Variants in PRKN observed in about 807,000 individuals in gnomAD.
PRKN encodes E3 ubiquitin-protein ligase parkin.
In PRKN, 56 loss-of-function variants were observed where a neutral mutation model predicts 59.5. The ratio of observed to expected loss-of-function variants is 0.94; its 90% CI spans 0.76 to 1.18. PRKN has a LOEUF of 1.18. Ranked by LOEUF, PRKN falls within the 50% of genes most tolerant of loss-of-function variation. PRKN has a pLI of 0.00. For synonymous variants in PRKN, 250 were observed against 222.1 expected (o/e 1.13, Z -1.12); for missense variants, 657 against 596.4 (o/e 1.10, Z -1.06).
intron 2 of PRKN, among the ~76,000 whole-genome samples, chr6:162,434,845 C>G (rs1789696988): frequency 6.6e-6 from 1 of 152,128 alleles, no homozygotes; most frequent in African/African-American, 2.4e-5. Flanking sequence ...CATATACAAT[C>G]TTATTGTTCC....
At chr6:161,421,012 T>C (rs1026853010) in intron 9 of PRKN, among the ~76,000 whole-genome samples, 15 of 152,206 alleles carry the variant, frequency 9.9e-5, no homozygotes, top group African/African-American at 2.4e-4. Context: ...ATGTGAACCA[T>C]TGGAGACAGG....
intron 6 of PRKN, among the ~76,000 whole-genome samples, chr6:161,859,610 C>CAAAAAAAA (rs57747027): frequency 3.3e-5 from 3 of 90,334 alleles, no homozygotes; most frequent in Middle Eastern, 6.0e-3. Flanking sequence ...GACTCTCTCT[C>CAAAAAAAA]AAAAAAAAAA....
chr6:161,512,106 C>A (rs761295552), intron 9 of PRKN, among the ~76,000 whole-genome samples: 3 of 152,140 alleles, frequency 2.0e-5, no homozygotes, highest in African/African-American at 4.8e-5. Context: ...ACAAGTGTAC[C>A]TAATCTATTC....
At chr6:162,054,497 T>C (rs1210152496) in intron 4 of PRKN, among the ~76,000 whole-genome samples, 4 of 152,212 alleles carry the variant, frequency 2.6e-5, no homozygotes, top group Non-Finnish European at 5.9e-5. Flanking sequence ...CACTTCTGTG[T>C]CTGCCCTTTC....
At chr6:161,680,775 A>ATATATATATATATTTT (rs1216235673) in intron 7 of PRKN, among the ~76,000 whole-genome samples, 1 of 30,628 alleles carries the variant, frequency 3.3e-5, no homozygotes, top group Non-Finnish European at 6.1e-5. Flanking sequence ...ATATATATAT[A>ATATATATATATATTTT]TTTTTTTTTT....
intron 9 of PRKN, among the ~76,000 whole-genome samples, chr6:161,523,987 C>A (rs1196132633): frequency 1.3e-5 from 2 of 152,150 alleles, no homozygotes; most frequent in South Asian, 2.1e-4. Context: ...AAAAAATGAA[C>A]ACAATTCAAT....
chr6:162,328,629 C>T (rs776087688), intron 2 of PRKN, among the ~76,000 whole-genome samples: 1 of 152,128 alleles, frequency 6.6e-6, no homozygotes, highest in Non-Finnish European at 1.5e-5. Context: ...GCAGGACAAA[C>T]GAATAAAGGA....
intron 9 of PRKN, among the ~76,000 whole-genome samples, chr6:161,513,240 T>C (rs1035763942): frequency 7.2e-5 from 11 of 152,162 alleles, no homozygotes; most frequent in Non-Finnish European, 1.2e-4. Context: ...GTTTTGTTTG[T>C]TTGCTTGCTT....
chr6:162,327,646 T>C (rs1458358482), intron 2 of PRKN, among the ~76,000 whole-genome samples: 1 of 67,456 alleles, frequency 1.5e-5, no homozygotes, highest in Non-Finnish European at 3.6e-5. Context: ...TTCTCTACAG[T>C]TTTCAATGTT....
chr6:161,890,154 A>C (rs1162064964), intron 6 of PRKN, among the ~76,000 whole-genome samples: 3 of 152,180 alleles, frequency 2.0e-5, no homozygotes, highest in South Asian at 2.1e-4. Context: ...TATGAAAATC[A>C]GTTCTTATTT....
At chr6:161,630,678 C>T (rs1434406403) in intron 7 of PRKN, among the ~76,000 whole-genome samples, 1 of 152,116 alleles carries the variant, frequency 6.6e-6, no homozygotes, top group Non-Finnish European at 1.5e-5. Flanking sequence ...TCTCCGCAGG[C>T]ATCCACGGTT....
At chr6:161,840,214 T>C (rs991294268) in intron 6 of PRKN, among the ~76,000 whole-genome samples, 2 of 152,192 alleles carry the variant, frequency 1.3e-5, no homozygotes, top group South Asian at 2.1e-4. Flanking sequence ...CAAGTGCAGA[T>C]AGTGTCATTA....
intron 7 of PRKN, among the ~76,000 whole-genome samples, chr6:161,717,422 G>T (rs1432220429): frequency 2.0e-5 from 3 of 152,100 alleles, no homozygotes; most frequent in Non-Finnish European, 4.4e-5. Context: ...TAAGTGCTGT[G>T]AAGACACTAG....
chr6:162,090,347 G>GT (rs953718706), intron 4 of PRKN, among the ~76,000 whole-genome samples: 9 of 152,102 alleles, frequency 5.9e-5, no homozygotes, highest in South Asian at 2.1e-4. Context: ...GAAAACTTCT[G>GT]TTTACATTTT....
chr6:161,953,549 G>A (rs977423045), intron 6 of PRKN, among the ~76,000 whole-genome samples: 1 of 152,174 alleles, frequency 6.6e-6, no homozygotes, highest in African/African-American at 2.4e-5. Context: ...AGTGTCAGGG[G>A]AGCAGCTAGC....
intron 7 of PRKN, among the ~76,000 whole-genome samples, chr6:161,603,929 A>G (rs1463242007): frequency 1.3e-5 from 2 of 152,222 alleles, no homozygotes; most frequent in East Asian, 1.9e-4. Flanking sequence ...ATGCATCTCA[A>G]TTAGTACCCG....
At chr6:161,901,565 A>G (rs1777916956) in intron 6 of PRKN, among the ~76,000 whole-genome samples, 1 of 152,216 alleles carries the variant, frequency 6.6e-6, no homozygotes, top group Non-Finnish European at 1.5e-5. Context: ...CACTCTGCCC[A>G]TAAGTGTTCT....
chr6:161,870,021 C>T (rs1486859453), intron 6 of PRKN, among the ~76,000 whole-genome samples: 3 of 152,004 alleles, frequency 2.0e-5, no homozygotes, highest in Admixed American at 6.6e-5. Flanking sequence ...TTATTATGTA[C>T]CAACAAAACA....
chr6:162,321,393 T>C (rs181075955), intron 2 of PRKN, among the ~76,000 whole-genome samples: 1 of 152,000 alleles, frequency 6.6e-6, no homozygotes, highest in East Asian at 1.9e-4. Flanking sequence ...TTAAAAAACC[T>C]CAAACGAAGA....
Sources: gnomAD v4.1 joint callset for allele counts (sites outside exome capture counted in the v4.1 genomes callset) on GRCh38, gnomAD v4.1.1 for gene constraint, MANE v1.5 for transcripts, NCBI Gene and HGNC (gene_info 2026-07-23, HGNC 2026-07-21) for gene names.